The following ITPR2 variants were observed in gnomAD, a reference collection of about 807,000 sequenced individuals.
The protein encoded by ITPR2 is inositol 1,4,5-trisphosphate receptor type 2.
In ITPR2, 207 loss-of-function variants were observed where a neutral mutation model predicts 317.1. That is an observed-to-expected ratio of 0.65 (90% CI 0.58 to 0.73). The LOEUF is 0.73. Ranked by LOEUF, ITPR2 falls within the 30% of genes least tolerant of loss-of-function variation. The pLI, the probability that ITPR2 is intolerant of heterozygous loss-of-function variation, is 0.00. For synonymous variants in ITPR2, 1,156 were observed against 1,149.1 expected, an observed-to-expected ratio of 1.01 and a Z score of -0.12; for missense variants, 2,613 against 3,284.0, an observed-to-expected ratio of 0.80 and a Z score of 4.99.
At chr12:26,705,248 A>G (rs758470560) in intron 9 of ITPR2, among the ~76,000 whole-genome samples, 2 of 152,084 alleles carry the variant, frequency 1.3e-5, no homozygotes, top group African/African-American at 2.4e-5. Context: ...CCACTCCTGC[A>G]TTCTGGTTTC....
chr12:26,718,450 T>C (rs1265197773), intron 5 of ITPR2, among the ~76,000 whole-genome samples: 6 of 151,918 alleles, frequency 3.9e-5, no homozygotes, highest in African/African-American at 1.2e-4. Context: ...ACTATAGTTG[T>C]CTGTAAGCTT....
intron 45 of ITPR2, among the ~76,000 whole-genome samples, chr12:26,458,651 G>T (rs78302199): frequency 6.6e-6 from 1 of 152,216 alleles, no homozygotes; most frequent in Non-Finnish European, 1.5e-5. Flanking sequence ...GAGGGGTGAC[G>T]GAGGGGAACA....
At chr12:26,374,075 G>A (rs148741330) in intron 55 of ITPR2, among the ~76,000 whole-genome samples, 188 of 152,224 alleles carry the variant, frequency 1.2e-3, no homozygotes, top group South Asian at 4.6e-3. Context: ...CACTCCGGAT[G>A]GTGTCATACC....
chr12:26,734,883 C>T (rs1239818212), intron 2 of ITPR2, among the ~76,000 whole-genome samples: 1 of 151,366 alleles, frequency 6.6e-6, no homozygotes. Flanking sequence ...ATAAGACTAG[C>T]TTTCTTTTGA....
At chr12:26,726,093 T>C (rs1338964513) in intron 2 of ITPR2, 10 of 193,456 alleles carry the variant, frequency 5.2e-5, no homozygotes, top group Non-Finnish European at 1.1e-4. Flanking sequence ...AGAAAGCAAA[T>C]AGAATGAGAT....
chr12:26,824,854 T>C (rs1053597809), intron 1 of ITPR2, among the ~76,000 whole-genome samples: 1 of 152,192 alleles, frequency 6.6e-6, no homozygotes, highest in African/African-American at 2.4e-5. Flanking sequence ...TTTTTAAACA[T>C]TCCCATCAAA....
At chr12:26,617,581 G>A (rs2136791813) in intron 26 of ITPR2, among the ~76,000 whole-genome samples, 1 of 145,840 alleles carries the variant, frequency 6.9e-6, no homozygotes, top group East Asian at 2.0e-4. Context: ...TGCTTGATAG[G>A]AACAGTGAAA....
intron 11 of ITPR2, among the ~76,000 whole-genome samples, chr12:26,684,473 T>G (rs775152067): frequency 6.6e-6 from 1 of 152,240 alleles, no homozygotes; most frequent in Non-Finnish European, 1.5e-5. Flanking sequence ...CTGTAAGAGT[T>G]ACTGCCAGTA....
chr12:26,422,499 T>C (rs1173657393), intron 49 of ITPR2, among the ~76,000 whole-genome samples: 3 of 152,158 alleles, frequency 2.0e-5, no homozygotes, highest in Non-Finnish European at 2.9e-5. Context: ...GCTATGCTAC[T>C]AATTTCTTGC....
At chr12:26,571,618 G>A (rs1295312839) in intron 34 of ITPR2, among the ~76,000 whole-genome samples, 1 of 152,240 alleles carries the variant, frequency 6.6e-6, no homozygotes, top group African/African-American at 2.4e-5. Context: ...GATAGGAGAG[G>A]TTAATGCCGC....
At position 26,495,266 on chromosome 12, in the gene ITPR2, A is replaced by C; in HGVS notation, c.5074-6T>G. The C allele has an allele frequency of 1.4e-6, 2 of 1,435,668 alleles. No individual in the cohort carries two copies. Among genetic ancestry groups the C allele is most frequent in the Non-Finnish European group, 2.0e-6 (2 of 1,022,854 alleles). The allele number at this position is 1,435,668 out of a possible 1,614,324, so 88.9% of individuals were successfully genotyped here. On this transcript the variant is annotated splice_polypyrimidine_tract_variant and splice_region_variant and intron_variant, in intron 37 of 56. Transcript: ENST00000381340. Reference sequence around the variant, plus strand: ...ATCTTTCTTAATGTGTTACCCTAATAAGAAGGATAACAAAGAGTTACTGTT... The same window carrying C: ...ATCTTTCTTAATGTGTTACCCTAATCAGAAGGATAACAAAGAGTTACTGTT...
chr12:26,718,713 G>A (rs57990984), intron 5 of ITPR2, among the ~76,000 whole-genome samples: 12,387 of 151,812 alleles, frequency 0.082, 1,291 homozygotes, highest in African/African-American at 0.25. Context: ...AGGTTCAAGC[G>A]ATTCTCTTGC....
At chr12:26,704,993 G>T (rs1204885196) in intron 9 of ITPR2, among the ~76,000 whole-genome samples, 1 of 152,156 alleles carries the variant, frequency 6.6e-6, no homozygotes, top group Non-Finnish European at 1.5e-5. Context: ...GTCTGTTAAA[G>T]TTGGAAAGGT....
At chr12:26,681,721 A>G (rs952917045) in intron 13 of ITPR2, among the ~76,000 whole-genome samples, 153 bp downstream of exon 13, 7 of 152,212 alleles carry the variant, frequency 4.6e-5, no homozygotes, top group African/African-American at 1.7e-4. Flanking sequence ...CTCACTCACT[A>G]TGATCAAGAG....
rs187377573 is a variant in ITPR2 at position 26,707,595 on chromosome 12, G to A, written c.951+3578C>T. Among the ~76,000 whole-genome samples the A allele has an allele frequency of 3.2e-3, 494 of 152,238 alleles. 4 individuals are homozygous for A. The highest frequency in any genetic ancestry group is 0.011 in the African/African-American group (441 of 41,564). On this transcript the variant is annotated intron_variant, in intron 9 of 56. Coordinates refer to ENST00000381340, the MANE Select transcript of ITPR2 (RefSeq NM_002223.4). ...TGCCCACGCTGAAGTGCAATGGCAC[G>A]ATCTTGGCTCACTGCAACCTCCACC...
rs371656240 is a variant in ITPR2, at chr12:26,801,788, T to C, written c.93-11561A>G. 1.1e-4 allele frequency among the ~76,000 whole-genome samples: 16 copies of C among 152,272 alleles called. 1 individual carries two copies. The highest frequency in any genetic ancestry group is 9.2e-4 in the Admixed American group (14 of 15,292). ...TGCCAGTTCTTTGCCAGTTACTCAC[T>C]GTATAACTTTGGACAAATTGTTTAA... On this transcript the variant is annotated intron_variant, in intron 1 of 56. Coordinates refer to ENST00000381340, the MANE Select transcript of ITPR2 (RefSeq NM_002223.4).
At chr12:26,702,420 G>GTTTTTTTTTTTTT (rs147003640) in intron 9 of ITPR2, among the ~76,000 whole-genome samples, 1 of 113,406 alleles carries the variant, frequency 8.8e-6, no homozygotes. Context: ...GGGGGTTGGT[G>GTTTTTTTTTTTTT]TTTTTTTTTT....
intron 15 of ITPR2, among the ~76,000 whole-genome samples, chr12:26,661,346 G>A (rs956223374): frequency 1.1e-4 from 17 of 148,524 alleles, no homozygotes; most frequent in Non-Finnish European, 2.2e-4. Context: ...GTGTGTGTAC[G>A]CACACACTGA....
At chr12:26,650,081 GA>G (rs11289267) in intron 21 of ITPR2, among the ~76,000 whole-genome samples, 32,734 of 152,048 alleles carry the variant, frequency 0.22, 4,184 homozygotes, top group East Asian at 0.55. Flanking sequence ...ATTGCTGAAA[GA>G]ATAATTAAGG....
Sources: allele counts gnomAD v4.1 joint callset (sites outside exome capture counted in the v4.1 genomes callset), GRCh38; gene constraint gnomAD v4.1.1; transcripts MANE v1.5; gene names NCBI Gene and HGNC (gene_info 2026-07-23, HGNC 2026-07-21).